The following MYPN variants were observed in gnomAD, a reference collection of about 807,000 sequenced individuals.
MYPN encodes myopalladin.
MYPN carries 63 observed loss-of-function variants against 129.4 expected under a neutral mutation model. The observed-to-expected ratio is 0.49, with a 90% CI of 0.40 to 0.60. MYPN has a LOEUF of 0.60. Among genes scored for constraint, MYPN ranks in the 20% least tolerant of loss-of-function variants. The probability of loss-of-function intolerance (pLI) is 0.00; values close to 1 mark genes in which losing one functional copy is unlikely to be tolerated. For synonymous variants in MYPN, 629 were observed against 600.9 expected (o/e 1.05, Z -0.68); for missense variants, 1,596 against 1,635.4 (o/e 0.98, Z 0.42).
intron 1 of MYPN, among the ~76,000 whole-genome samples, chr10:68,092,800 G>A (rs888263964): frequency 6.6e-6 from 1 of 152,064 alleles, no homozygotes; most frequent in Non-Finnish European, 1.5e-5. Context: ...TAAATTTTCT[G>A]AAGTAAGCAA....
At chr10:68,173,143 T>C (rs774034580) in intron 10 of MYPN, among the ~76,000 whole-genome samples, 1 of 152,204 alleles carries the variant, frequency 6.6e-6, no homozygotes, top group Non-Finnish European at 1.5e-5. Context: ...TTCCTGAATG[T>C]ATGGGGACAT....
At chr10:68,157,051 C>G (rs1325949846) in intron 6 of MYPN, among the ~76,000 whole-genome samples, 1 of 152,168 alleles carries the variant, frequency 6.6e-6, no homozygotes, top group Non-Finnish European at 1.5e-5. Flanking sequence ...GAATAAGAAA[C>G]TAGCTGTGAA....
At chr10:68,115,663 A>G (rs2042146979) in intron 1 of MYPN, among the ~76,000 whole-genome samples, 1 of 152,146 alleles carries the variant, frequency 6.6e-6, no homozygotes, top group Non-Finnish European at 1.5e-5. Flanking sequence ...AACTTTTTCA[A>G]AACCATGCCA....
chr10:68,163,392 C>T (rs1266323706), intron 8 of MYPN, among the ~76,000 whole-genome samples: 1 of 151,844 alleles, frequency 6.6e-6, no homozygotes, highest in Non-Finnish European at 1.5e-5. Context: ...TTTGGGAGGC[C>T]GAGGCGGGTG....
chr10:68,119,161 T>C (rs2042202853), intron 1 of MYPN, among the ~76,000 whole-genome samples: 1 of 152,148 alleles, frequency 6.6e-6, no homozygotes, highest in South Asian at 2.1e-4. Flanking sequence ...GGTGCACAAA[T>C]GAGAAAGATT....
intron 6 of MYPN, among the ~76,000 whole-genome samples, chr10:68,156,117 T>A (rs755384375): frequency 2.5e-4 from 38 of 152,236 alleles, no homozygotes; most frequent in Non-Finnish European, 4.6e-4. Flanking sequence ...CATATTAGAT[T>A]GACCTCATTC....
intron 9 of MYPN, 49 bp downstream of exon 9, chr10:68,165,867 G>A: frequency 7.0e-7 from 1 of 1,423,634 alleles, no homozygotes; most frequent in Non-Finnish European, 9.9e-7. Flanking sequence ...CTTTGAGTGT[G>A]AATATGCAGA....
At chr10:68,119,831 A>G (rs1345558533) in intron 1 of MYPN, among the ~76,000 whole-genome samples, 1 of 152,158 alleles carries the variant, frequency 6.6e-6, no homozygotes, top group Non-Finnish European at 1.5e-5. Context: ...TTTACTGTGG[A>G]TGGTCCTTTC....
intron 12 of MYPN, among the ~76,000 whole-genome samples, chr10:68,183,090 C>A (rs930090003): frequency 1.3e-5 from 2 of 151,924 alleles, no homozygotes; most frequent in African/African-American, 4.9e-5. Context: ...TATTCTCAGG[C>A]AGGTGCTTAA....
chr10:68,183,587 T>C (rs118067168), intron 12 of MYPN, among the ~76,000 whole-genome samples: 2,089 of 152,334 alleles, frequency 0.014, 23 homozygotes, highest in Middle Eastern at 0.051. Context: ...AGTCAGGCAA[T>C]AGAAGCTGCA....
chr10:68,211,522 G>A lies in MYPN; in HGVS notation c.*1067G>A. The A allele has an allele frequency of 2.2e-6, 1 of 454,040 alleles. No individual in the cohort carries two copies. Among genetic ancestry groups the A allele is most frequent in the Non-Finnish European group, 4.4e-6 (1 of 226,762 alleles). The allele number at this position is 454,040 out of a possible 1,614,324, so 28.1% of individuals were successfully genotyped here. On this transcript the variant is annotated 3_prime_UTR_variant, in exon 20 of 20. Coordinates refer to ENST00000358913, the MANE Select transcript of MYPN (RefSeq NM_032578.4). ...TTGGTCAAATTGCATTTTCTATGTA[G>A]AGAATATTCTGCTAGGTGGAAAAGT... is the stretch of plus-strand genomic sequence containing the variant.
At position 68,188,888 on chromosome 10, in the gene MYPN, G is replaced by T; in HGVS notation, c.2704-17G>T. On this transcript the variant is annotated splice_polypyrimidine_tract_variant and intron_variant, in intron 12 of 19. Transcript: ENST00000358913. The stretch of plus-strand genomic sequence containing the variant: ...CCTTGCCATATGGAAATTGAAACAC[G>T]TTTGTCATTTTGACAGGAGTACAAA... 1.2e-6 allele frequency: 2 copies of T among 1,608,360 alleles called. No individual in the cohort carries two copies. The highest frequency in any genetic ancestry group is 1.7e-6 in the Non-Finnish European group (2 of 1,175,876).
rs55879100 is a variant in MYPN, at chr10:68,097,587, C to T, written c.-2+9595C>T. Among the ~76,000 whole-genome samples the T allele has an allele frequency of 5.2e-3, 796 of 152,294 alleles. 5 individuals carry two copies. The highest frequency in any genetic ancestry group is 0.018 in the African/African-American group (767 of 41,560). On this transcript the variant is annotated intron_variant, in intron 1 of 6. Coordinates refer to the MYPN transcript ENST00000685154. ...GTATTAACTCACTTAAGTCTCACAG[C>T]ATTCCTATGATATTTTCCTCTTTTA...
chr10:68,191,109 A>T (rs1376088343), intron 13 of MYPN, among the ~76,000 whole-genome samples: 4 of 152,198 alleles, frequency 2.6e-5, no homozygotes, highest in Non-Finnish European at 5.9e-5. Flanking sequence ...ATAATTTGCA[A>T]TCAGGTAGCA....
At chr10:68,089,846 T>C (rs1307853743) in intron 1 of MYPN, among the ~76,000 whole-genome samples, 2 of 152,166 alleles carry the variant, frequency 1.3e-5, no homozygotes, top group South Asian at 2.1e-4. Context: ...TATAATGAAA[T>C]GATTAATAAA....
At chr10:68,114,162 G>A (rs2042120428) in intron 1 of MYPN, 1 of 151,980 alleles carries the variant, frequency 6.6e-6, no homozygotes, top group East Asian at 1.9e-4. Flanking sequence ...CAATTCTCTG[G>A]TCAATGCCCC....
At chr10:68,088,523 A>G (rs1178332877) in intron 1 of MYPN, among the ~76,000 whole-genome samples, 1 of 152,208 alleles carries the variant, frequency 6.6e-6, no homozygotes, top group Non-Finnish European at 1.5e-5. Context: ...TTGCACATGA[A>G]TAACTCCCAG....
At chr10:68,195,271 TC>T (rs2134280920) in intron 14 of MYPN, among the ~76,000 whole-genome samples, 178 bp from the exon 15 acceptor site, 1 of 152,318 alleles carries the variant, frequency 6.6e-6, no homozygotes, top group South Asian at 2.1e-4. Context: ...TAAAAATCTC[TC>T]CCCCTGGAAT....
intron 13 of MYPN, among the ~76,000 whole-genome samples, chr10:68,189,696 C>T (rs7091222): frequency 0.18 from 27,874 of 152,142 alleles, 2,947 homozygotes; most frequent in Middle Eastern, 0.26. Context: ...GATGGGATTT[C>T]ATTCATTCTT....
Sources: gnomAD v4.1 joint callset for allele counts (sites outside exome capture counted in the v4.1 genomes callset) on GRCh38, gnomAD v4.1.1 for gene constraint, MANE v1.5 for transcripts, NCBI Gene and HGNC (gene_info 2026-07-23, HGNC 2026-07-21) for gene names.